LGR5: variants seen among roughly 807,000 people sequenced by gnomAD.
LGR5 encodes leucine-rich repeat-containing G protein-coupled receptor 5.
In LGR5, 54 loss-of-function variants were observed where a neutral mutation model predicts 76.7. The observed-to-expected ratio is 0.70, with a 90% CI of 0.57 to 0.88. The LOEUF (loss-of-function observed/expected upper bound fraction) is 0.88, where lower values mean the gene tolerates loss of function less well. LGR5 is among the 40% of genes least tolerant of loss of function. The probability of loss-of-function intolerance (pLI) is 0.00; values close to 1 mark genes in which losing one functional copy is unlikely to be tolerated. For missense variants in LGR5, 1,078 were observed against 1,073.3 expected, an observed-to-expected ratio of 1.00 and a Z score of -0.06; for synonymous variants, 406 against 421.9, an observed-to-expected ratio of 0.96 and a Z score of 0.46.
Position 71,524,467 on chromosome 12 carries a change from C to A in LGR5, c.346C>A (p.Leu116Ile). The change falls in exon 3 of 18, where the codon CTT becomes ATT. Residue 116 changes from leucine to isoleucine, a missense_variant. Physicochemically the swap from Leu to Ile is conservative, Grantham distance 5. Transcript: ENST00000266674. ...GGGAGCATTCACTGGCCTTTACAGT[C>A]TTAAAGTTCTGTAAGTAAACTGAGT... The part of the protein sequence containing the change: ...PKGAFTGLYS[L>I]KVLMLQNNQL... The A allele has an allele frequency of 6.2e-7, 1 of 1,608,310 alleles. No individual in the cohort carries two copies.
At chr12:71,463,993 T>C (rs1872769988) in intron 1 of LGR5, among the ~76,000 whole-genome samples, 2 of 152,066 alleles carry the variant, frequency 1.3e-5, no homozygotes, top group Non-Finnish European at 2.9e-5. Context: ...TGATAACTCT[T>C]TGAAGTGCTA....
intron 2 of LGR5, among the ~76,000 whole-genome samples, chr12:71,508,088 A>C (rs1488430994): frequency 2.0e-5 from 3 of 148,464 alleles, no homozygotes; most frequent in Non-Finnish European, 3.0e-5. Context: ...AATTGTTGGG[A>C]GTAGTGGTGG....
At chr12:71,544,902 G>A (rs1255824077) in intron 4 of LGR5, among the ~76,000 whole-genome samples, 1 of 152,030 alleles carries the variant, frequency 6.6e-6, no homozygotes, top group Non-Finnish European at 1.5e-5. Context: ...TTCCTGACTT[G>A]TTCAAAGTGG....
chr12:71,564,624 G>A (rs1164532963), intron 8 of LGR5, among the ~76,000 whole-genome samples: 12 of 146,068 alleles, frequency 8.2e-5, no homozygotes, highest in African/African-American at 2.6e-4. Flanking sequence ...GCATATATAC[G>A]TATCTGTACA....
intron 11 of LGR5, among the ~76,000 whole-genome samples, chr12:71,570,511 T>C (rs189591851): frequency 6.6e-6 from 1 of 152,276 alleles, no homozygotes; most frequent in Admixed American, 6.5e-5. Flanking sequence ...GTGTCCATTT[T>C]ATTATATTCG....
At chr12:71,512,901 G>T (rs569712164) in intron 2 of LGR5, among the ~76,000 whole-genome samples, 1 of 152,268 alleles carries the variant, frequency 6.6e-6, no homozygotes, top group Admixed American at 6.5e-5. Context: ...ATTGGAGAGT[G>T]GTTTACAAAG....
intron 1 of LGR5, among the ~76,000 whole-genome samples, chr12:71,460,694 G>A (rs1248515869): frequency 1.3e-5 from 2 of 152,196 alleles, no homozygotes; most frequent in East Asian, 1.9e-4. Flanking sequence ...AGTGGAGGCA[G>A]AATCAGACTG....
intron 5 of LGR5, among the ~76,000 whole-genome samples, chr12:71,555,760 G>C (rs2137417932): frequency 6.6e-6 from 1 of 152,286 alleles, no homozygotes; most frequent in Non-Finnish European, 1.5e-5. Context: ...GTGGAATACA[G>C]TGTGGCAACT....
rs1214217232 is a variant in LGR5 at position 71,440,289 on chromosome 12, A to G, written c.209A>G (p.Tyr70Cys). 1.6e-5 allele frequency: 26 copies of G among 1,609,386 alleles called. No homozygotes were observed. Among genetic ancestry groups the G allele is most frequent in the Non-Finnish European group, 2.2e-5 (26 of 1,179,500 alleles). ...LPSNLSVFTS[Y>C]LDLSMNNISQ... The stretch of plus-strand genomic sequence containing the variant: ...TCCAACCTCAGCGTCTTCACCTCCT[A>G]CCTGTAAGTACTTCCCCACGTCACT... Residue 70 changes from tyrosine (Y) to cysteine (C), a missense_variant, in exon 1 of 18, where the codon TAC (tyrosine) becomes TGC (cysteine). Physicochemically the swap from Tyr to Cys is radical, Grantham distance 194 (BLOSUM62 -2). Transcript: ENST00000266674. The surrounding 1 kb of genome is among the most constrained non-coding windows in gnomAD (Gnocchi z 5.3).
chr12:71,508,120 C>T (rs1267688499), intron 2 of LGR5, among the ~76,000 whole-genome samples: 3 of 151,420 alleles, frequency 2.0e-5, no homozygotes, highest in East Asian at 1.9e-4. Flanking sequence ...CCCAGCTACT[C>T]GGGAGGCTGA....
intron 1 of LGR5, among the ~76,000 whole-genome samples, chr12:71,496,668 A>T (rs1178743191): frequency 6.6e-6 from 1 of 152,212 alleles, no homozygotes; most frequent in African/African-American, 2.4e-5. Context: ...ATAGTCACAA[A>T]CTAAAAACAA....
At chr12:71,582,622 A>G in intron 17 of LGR5, 83 bp downstream of exon 17, 1 of 1,072,126 alleles carries the variant, frequency 9.3e-7, no homozygotes, top group East Asian at 2.4e-5. Flanking sequence ...CTATACTTTA[A>G]AAGCCGAATC....
intron 1 of LGR5, among the ~76,000 whole-genome samples, chr12:71,443,137 T>G (rs1349761939): frequency 6.6e-6 from 1 of 152,186 alleles, no homozygotes; most frequent in African/African-American, 2.4e-5. Flanking sequence ...TCAAACAGAT[T>G]GATGATGGCA....
chr12:71,578,981 T>C lies in LGR5; in HGVS notation c.1406+52T>C, dbSNP rs759409197. 6.6e-6 allele frequency: 10 copies of C among 1,521,440 alleles called. No homozygotes were observed. The South Asian group carries it at 8.7e-5, about 13-fold the overall frequency. 94.2% of individuals were successfully genotyped at this position (1,521,440 alleles called of 1,614,324 possible). On this transcript the variant is annotated intron_variant, in intron 15 of 17. Transcript: ENST00000266674. ...ATACATTTGTGGTCATGTGAAATAA[T>C]AGATGTATTATAGTGGTGTTCTAAA...
chr12:71,492,215 C>A (rs887083094), intron 1 of LGR5, among the ~76,000 whole-genome samples: 1 of 152,154 alleles, frequency 6.6e-6, no homozygotes, highest in Non-Finnish European at 1.5e-5. Context: ...CTCGTAAGAA[C>A]AAAGCAGTTT....
chr12:71,569,885 G>T (rs1263758983), intron 11 of LGR5, among the ~76,000 whole-genome samples: 3 of 152,164 alleles, frequency 2.0e-5, no homozygotes, highest in African/African-American at 7.2e-5. Flanking sequence ...ACTATTCACA[G>T]TAGCAAAGAC....
intron 1 of LGR5, chr12:71,448,514 G>A (rs527615537): frequency 1.1e-4 from 16 of 152,172 alleles, no homozygotes; most frequent in Admixed American, 3.9e-4. Context: ...TTATTGGTTC[G>A]ATGCACAAAA....
intron 1 of LGR5, among the ~76,000 whole-genome samples, chr12:71,468,314 G>A (rs569078567): frequency 1.8e-4 from 27 of 152,266 alleles, no homozygotes; most frequent in African/African-American, 6.5e-4. Flanking sequence ...GAAGGGCAAA[G>A]TTTCAGTAAT....
intron 1 of LGR5, among the ~76,000 whole-genome samples, chr12:71,449,041 A>C (rs951465747): frequency 6.6e-6 from 1 of 152,196 alleles, no homozygotes; most frequent in Non-Finnish European, 1.5e-5. Flanking sequence ...CGGAACTGAG[A>C]GACTGTGAGT....
Sources: allele counts gnomAD v4.1 joint callset (sites outside exome capture counted in the v4.1 genomes callset), GRCh38; gene constraint gnomAD v4.1.1; non-coding constraint Gnocchi (gnomAD v3.1); transcripts MANE v1.5; gene names NCBI Gene and HGNC (gene_info 2026-07-23, HGNC 2026-07-21).